CFAP20DC: variants seen among roughly 807,000 people sequenced by gnomAD.
CFAP20DC encodes CFAP20 domain containing, also known as protein CFAP20DC.
In CFAP20DC, 84 loss-of-function variants were observed where a neutral mutation model predicts 101.7. The observed-to-expected ratio is 0.83, with a 90% confidence interval of 0.69 to 0.99. The LOEUF is 0.99. CFAP20DC is among the 50% of genes least tolerant of loss of function. CFAP20DC has a pLI of 0.00. For synonymous variants in CFAP20DC, 359 were observed against 351.2 expected (o/e 1.02, Z -0.25); for missense variants, 1,007 against 970.3 (o/e 1.04, Z -0.50).
rs1263454230 is a variant in CFAP20DC, at chr3:59,015,704, T to C, written c.278+23853A>G. On this transcript the variant is annotated intron_variant, in intron 4 of 16. Coordinates refer to ENST00000482387, the MANE Select transcript of CFAP20DC (RefSeq NM_001394063.1). This position sits in a 1 kb window ranked among gnomAD's most constrained non-coding sequence, Gnocchi z 5.4. Reference sequence around the variant, plus strand: ...TTCATAAAAGTACATAATACAGTCTTAGAACGAGGCCTCACAGACATCCAG... The same window carrying C: ...TTCATAAAAGTACATAATACAGTCTCAGAACGAGGCCTCACAGACATCCAG... 2.0e-5 allele frequency among the ~76,000 whole-genome samples: 3 copies of C among 152,072 alleles called. No homozygotes were observed. Among genetic ancestry groups the C allele is most frequent in the African/African-American group, 7.2e-5 (3 of 41,418 alleles).
intron 14 of CFAP20DC, among the ~76,000 whole-genome samples, chr3:58,814,516 G>T (rs1423537268): frequency 6.6e-6 from 1 of 151,134 alleles, no homozygotes; most frequent in Non-Finnish European, 1.5e-5. Context: ...GGGCAATTAG[G>T]CAGGAGAAGG....
At chr3:58,959,385 C>A (rs991441991) in intron 4 of CFAP20DC, among the ~76,000 whole-genome samples, 1 of 152,184 alleles carries the variant, frequency 6.6e-6, no homozygotes, top group Non-Finnish European at 1.5e-5. Context: ...TAAGCCACTG[C>A]GTCTGGCCAA....
intron 4 of CFAP20DC, among the ~76,000 whole-genome samples, chr3:58,986,120 CAT>C (rs1373986004): frequency 2.0e-5 from 3 of 152,280 alleles, no homozygotes; most frequent in African/African-American, 7.2e-5. Flanking sequence ...GCTACAAATA[CAT>C]AGTCTGCGAA....
chr3:58,808,128 G>C (rs922372964), intron 14 of CFAP20DC, among the ~76,000 whole-genome samples: 1 of 152,208 alleles, frequency 6.6e-6, no homozygotes, highest in Non-Finnish European at 1.5e-5. Flanking sequence ...GAACCAAGTT[G>C]GAAAACACTC....
chr3:58,835,213 A>G (rs1575822678), intron 13 of CFAP20DC, among the ~76,000 whole-genome samples: 1 of 152,250 alleles, frequency 6.6e-6, no homozygotes, highest in African/African-American at 2.4e-5. Context: ...CCTGAGAGGT[A>G]TTATATAACT....
chr3:58,845,401 T>G (rs1404672802), intron 13 of CFAP20DC, among the ~76,000 whole-genome samples: 1 of 151,990 alleles, frequency 6.6e-6, no homozygotes, highest in African/African-American at 2.4e-5. Context: ...GCAAATAAAC[T>G]AGAAAATCTA....
intron 4 of CFAP20DC, among the ~76,000 whole-genome samples, chr3:58,981,628 C>T (rs201721933): frequency 1.4e-3 from 207 of 152,150 alleles, no homozygotes; most frequent in Middle Eastern, 3.4e-3. Flanking sequence ...ATTTAATAAA[C>T]GGTGCTGGGA....
At chr3:58,771,654 T>C (rs1250595658) in intron 15 of CFAP20DC, among the ~76,000 whole-genome samples, 1 of 152,216 alleles carries the variant, frequency 6.6e-6, no homozygotes, top group Non-Finnish European at 1.5e-5. Context: ...GAGAAGGACA[T>C]TCTTCCTGTA....
At chr3:58,937,520 C>T in intron 5 of CFAP20DC, 128 bp downstream of exon 5, 1 of 647,228 alleles carries the variant, frequency 1.5e-6, no homozygotes, top group Non-Finnish European at 2.8e-6. Context: ...GGAAGGAAGG[C>T]CATGAATTTT....
At chr3:58,935,097 G>A (rs1048315524) in intron 5 of CFAP20DC, among the ~76,000 whole-genome samples, 12 of 152,062 alleles carry the variant, frequency 7.9e-5, no homozygotes, top group East Asian at 3.9e-4. Flanking sequence ...AAATCAATGT[G>A]CAAAAATCAC....
chr3:58,753,956 A>G, intron 15 of CFAP20DC, 93 bp from the exon 16 acceptor site: 1 of 772,880 alleles, frequency 1.3e-6, no homozygotes, highest in Non-Finnish European at 2.1e-6. Flanking sequence ...GGCTTCCAAA[A>G]AGAAACACTT....
intron 4 of CFAP20DC, among the ~76,000 whole-genome samples, chr3:59,009,838 C>A (rs983677776): frequency 6.6e-6 from 1 of 152,068 alleles, no homozygotes; most frequent in African/African-American, 2.4e-5. Flanking sequence ...ATCAGGTAAT[C>A]TATAAAGGAA....
At chr3:58,809,422 G>A (rs1012272800) in intron 14 of CFAP20DC, among the ~76,000 whole-genome samples, 7 of 152,082 alleles carry the variant, frequency 4.6e-5, no homozygotes, top group African/African-American at 1.4e-4. Context: ...TCAACTACAT[G>A]GAAACTGAAC....
chr3:58,985,606 T>C (rs547755437), intron 4 of CFAP20DC, among the ~76,000 whole-genome samples: 5 of 152,216 alleles, frequency 3.3e-5, no homozygotes, highest in Non-Finnish European at 7.3e-5. Flanking sequence ...ACACTAGTAG[T>C]GTGGCTTTTA....
chr3:58,746,246 T>G (rs940120296), intron 16 of CFAP20DC, among the ~76,000 whole-genome samples: 6 of 152,168 alleles, frequency 3.9e-5, no homozygotes, highest in African/African-American at 1.4e-4. Flanking sequence ...TTCCATCAGG[T>G]GTAATGTTTA....
rs1372289205 is a variant in CFAP20DC, at chr3:58,821,622, A to G, written c.2175+10064T>C. On this transcript the variant is annotated intron_variant, in intron 14 of 16. Transcript: ENST00000482387. Reference sequence around the variant, plus strand: ...ACCATCTCACACCAGTTAGAATGGCAATCATTAAAAAGTCAGGAAACAACA... The same window carrying G: ...ACCATCTCACACCAGTTAGAATGGCGATCATTAAAAAGTCAGGAAACAACA... Among the ~76,000 whole-genome samples the G allele has an allele frequency of 6.7e-5, 10 of 149,834 alleles. No homozygotes were observed. The East Asian group carries it at 1.6e-3, about 24-fold the overall frequency.
chr3:58,755,801 T>C (rs976951991), intron 15 of CFAP20DC, among the ~76,000 whole-genome samples: 42 of 152,202 alleles, frequency 2.8e-4, no homozygotes, highest in Admixed American at 3.3e-4. Flanking sequence ...TCTCTTAATC[T>C]ATGTATCTAC....
intron 4 of CFAP20DC, among the ~76,000 whole-genome samples, chr3:59,034,593 A>T (rs894755646): frequency 6.6e-6 from 1 of 152,234 alleles, no homozygotes; most frequent in African/African-American, 2.4e-5. Context: ...CAAAAAAGAC[A>T]AAGAAGGGCA....
At chr3:58,936,301 T>G (rs895841822) in intron 5 of CFAP20DC, among the ~76,000 whole-genome samples, 1 of 152,088 alleles carries the variant, frequency 6.6e-6, no homozygotes, top group African/African-American at 2.4e-5. Context: ...TGTGGAGAAA[T>G]AGGAACAATT....
Sources: allele counts gnomAD v4.1 joint callset (sites outside exome capture counted in the v4.1 genomes callset), GRCh38; gene constraint gnomAD v4.1.1; non-coding constraint Gnocchi (gnomAD v3.1); transcripts MANE v1.5; gene names NCBI Gene and HGNC (gene_info 2026-07-23, HGNC 2026-07-21).